The following LINGO2 variants were observed in gnomAD, a reference collection of about 807,000 sequenced individuals.
The protein encoded by LINGO2 is leucine rich repeat and Ig domain containing 2, also known as leucine-rich repeat and immunoglobulin-like domain-containing nogo receptor-interacting protein 2.
In LINGO2, 14 loss-of-function variants were observed where a neutral mutation model predicts 30.6. The observed-to-expected ratio is 0.46, with a 90% confidence interval of 0.30 to 0.72. LINGO2 has a LOEUF of 0.72. LINGO2 is among the 30% of genes least tolerant of loss of function. The pLI, the probability that LINGO2 is intolerant of heterozygous loss-of-function variation, is 0.07. For synonymous variants in LINGO2, 317 were observed against 288.5 expected, an observed-to-expected ratio of 1.10 and a Z score of -1.00; for missense variants, 729 against 751.7, an observed-to-expected ratio of 0.97 and a Z score of 0.35.
At chr9:28,920,082 T>C in the LINGO2 span, among the ~76,000 whole-genome samples, 15 of 152,274 alleles carry the variant, frequency 9.9e-5, no homozygotes, top group African/African-American at 2.9e-4. Context: ...CCTGTAAATA[T>C]ACATATTTCT....
chr9:29,110,906 C>T, the LINGO2 span, among the ~76,000 whole-genome samples: 2 of 150,530 alleles, frequency 1.3e-5, no homozygotes, highest in African/African-American at 4.9e-5. Context: ...CGCCCAGATG[C>T]TCTTGATCTC....
chr9:28,354,445 A>C (rs1167354350), intron 3 of LINGO2, among the ~76,000 whole-genome samples: 1 of 152,190 alleles, frequency 6.6e-6, no homozygotes, highest in African/African-American at 2.4e-5. Flanking sequence ...GATAGTATGT[A>C]ATAGCGTTAG....
At chr9:29,009,937 C>T in the LINGO2 span, among the ~76,000 whole-genome samples, 3 of 152,150 alleles carry the variant, frequency 2.0e-5, no homozygotes, top group African/African-American at 4.8e-5. Flanking sequence ...GGAAAGGATT[C>T]CCTATTTAAT....
chr9:28,160,081 C>T (rs1188953685), intron 4 of LINGO2, among the ~76,000 whole-genome samples: 1 of 151,840 alleles, frequency 6.6e-6, no homozygotes, highest in Non-Finnish European at 1.5e-5. Flanking sequence ...AATGTGCTAC[C>T]TTATGGAAAG....
intron 4 of LINGO2, among the ~76,000 whole-genome samples, chr9:28,037,916 C>T (rs183880941): frequency 6.9e-4 from 105 of 152,254 alleles, no homozygotes; most frequent in Non-Finnish European, 2.1e-4. Context: ...GTCACCAAAA[C>T]CCTGTGAGAA....
At chr9:28,439,758 T>C (rs560913914) in intron 2 of LINGO2, among the ~76,000 whole-genome samples, 2 of 152,294 alleles carry the variant, frequency 1.3e-5, no homozygotes, top group South Asian at 2.1e-4. Context: ...TTTTTCTTCA[T>C]AAATTAGCCA....
chr9:28,019,045 G>A (rs918041715), intron 4 of LINGO2, among the ~76,000 whole-genome samples: 2 of 152,084 alleles, frequency 1.3e-5, no homozygotes, highest in Non-Finnish European at 2.9e-5. Flanking sequence ...AATACTGCAT[G>A]TTCTCACTTA....
chr9:28,215,033 C>A (rs1231026345), intron 4 of LINGO2, among the ~76,000 whole-genome samples: 1 of 151,578 alleles, frequency 6.6e-6, no homozygotes, highest in Admixed American at 6.6e-5. Flanking sequence ...CCTCTTTCTT[C>A]TACAGGAAAT....
chr9:28,507,024 T>C (rs568909430), intron 1 of LINGO2, among the ~76,000 whole-genome samples: 10 of 152,210 alleles, frequency 6.6e-5, no homozygotes, highest in South Asian at 4.1e-4. Context: ...AACAAAAAGT[T>C]TGAATCTTGT....
the LINGO2 span, among the ~76,000 whole-genome samples, chr9:29,150,596 A>C: frequency 2.0e-5 from 3 of 152,222 alleles, no homozygotes; most frequent in Non-Finnish European, 4.4e-5. Flanking sequence ...CTGGAACTGA[A>C]AAATTCACGG....
intron 4 of LINGO2, among the ~76,000 whole-genome samples, chr9:28,100,528 T>C (rs531513958): frequency 4.9e-4 from 75 of 152,310 alleles, no homozygotes; most frequent in Non-Finnish European, 9.3e-4. Context: ...TGTAAAGATA[T>C]AAAATGTAGT....
At chr9:28,495,627 G>A (rs1234992341) in intron 1 of LINGO2, among the ~76,000 whole-genome samples, 2 of 152,080 alleles carry the variant, frequency 1.3e-5, no homozygotes, top group Non-Finnish European at 2.9e-5. Flanking sequence ...TAGGCTTGTA[G>A]TATAGTTTGA....
the LINGO2 span, among the ~76,000 whole-genome samples, chr9:29,121,469 A>T: frequency 0.24 from 36,826 of 151,956 alleles, 4,613 homozygotes; most frequent in East Asian, 0.41. Context: ...ACATAGGGAA[A>T]AAATTTGAAA....
chr9:28,161,567 T>C (rs943347983), intron 4 of LINGO2, among the ~76,000 whole-genome samples: 5 of 152,132 alleles, frequency 3.3e-5, no homozygotes, highest in Non-Finnish European at 7.4e-5. Context: ...AAAGAGAAAC[T>C]GAGTGAGCCT....
the LINGO2 span, among the ~76,000 whole-genome samples, chr9:28,776,318 C>T: frequency 6.6e-6 from 1 of 151,862 alleles, no homozygotes; most frequent in Non-Finnish European, 1.5e-5. Flanking sequence ...ATGTGCTAGC[C>T]CATGAATCAA....
chr9:28,348,387 G>C (rs768087504), intron 3 of LINGO2, among the ~76,000 whole-genome samples: 1 of 151,898 alleles, frequency 6.6e-6, no homozygotes, highest in African/African-American at 2.4e-5. Context: ...AAGGGGTGAC[G>C]GACTGCACCT....
chr9:28,929,155 C>T, the LINGO2 span, among the ~76,000 whole-genome samples: 3 of 152,202 alleles, frequency 2.0e-5, no homozygotes, highest in Non-Finnish European at 4.4e-5. Context: ...TTCTCTCTCA[C>T]ATGACTTTTA....
At chr9:28,749,323 C>A in the LINGO2 span, among the ~76,000 whole-genome samples, 1 of 151,942 alleles carries the variant, frequency 6.6e-6, no homozygotes, top group African/African-American at 2.4e-5. Flanking sequence ...TCTCTAGCAT[C>A]CTATTCCCCC....
chr9:28,140,949 A>C (rs2133493501), intron 4 of LINGO2, among the ~76,000 whole-genome samples: 1 of 150,034 alleles, frequency 6.7e-6, no homozygotes, highest in Non-Finnish European at 1.5e-5. Flanking sequence ...TATAATATAA[A>C]TAATATATAC....
Sources: allele counts gnomAD v4.1 joint callset (sites outside exome capture counted in the v4.1 genomes callset), GRCh38; gene constraint gnomAD v4.1.1; transcripts MANE v1.5; gene names NCBI Gene and HGNC (gene_info 2026-07-23, HGNC 2026-07-21).